Variants in RASAL2 observed in about 807,000 individuals in gnomAD.
The protein encoded by RASAL2 is ras GTPase-activating protein nGAP.
A neutral mutation model predicts 128.9 loss-of-function variants in RASAL2; 58 were observed. That is an observed-to-expected ratio of 0.45 (90% CI 0.36 to 0.56). The LOEUF (loss-of-function observed/expected upper bound fraction) is 0.56, where lower values mean the gene tolerates loss of function less well. RASAL2 is among the 20% of genes least tolerant of loss of function. The pLI, the probability that RASAL2 is intolerant of heterozygous loss-of-function variation, is 0.00. For synonymous variants in RASAL2, 561 were observed against 580.8 expected, an observed-to-expected ratio of 0.97 and a Z score of 0.49; for missense variants, 1,360 against 1,601.6, an observed-to-expected ratio of 0.85 and a Z score of 2.57.
At chr1:178,193,221 T>C (rs1199078556) in intron 1 of RASAL2, among the ~76,000 whole-genome samples, 1 of 152,218 alleles carries the variant, frequency 6.6e-6, no homozygotes, top group Non-Finnish European at 1.5e-5. Context: ...ACTGATAATC[T>C]TCTGGTGTAT....
chr1:178,342,616 T>C (rs574608430), intron 3 of RASAL2, among the ~76,000 whole-genome samples: 13 of 152,372 alleles, frequency 8.5e-5, no homozygotes, highest in African/African-American at 2.4e-4. Context: ...GTTTGTACGC[T>C]GCTTTTAATT....
chr1:178,382,851 C>T (rs746947034), intron 3 of RASAL2, among the ~76,000 whole-genome samples: 1 of 152,166 alleles, frequency 6.6e-6, no homozygotes, highest in African/African-American at 2.4e-5. Flanking sequence ...CTTGTCATCA[C>T]TAAGAACTAG....
At chr1:178,106,738 C>T (rs969105540) in intron 1 of RASAL2, among the ~76,000 whole-genome samples, 2 of 152,084 alleles carry the variant, frequency 1.3e-5, no homozygotes, top group Non-Finnish European at 2.9e-5. Context: ...CAGATACAGT[C>T]GATTTCTTCC....
chr1:178,232,002 G>A (rs142484327), intron 1 of RASAL2, among the ~76,000 whole-genome samples: 6 of 152,212 alleles, frequency 3.9e-5, no homozygotes, highest in East Asian at 1.9e-4. Flanking sequence ...TTTTCGTTAC[G>A]ATTTCGACCA....
intron 1 of RASAL2, among the ~76,000 whole-genome samples, chr1:178,246,585 C>G (rs887605331): frequency 6.6e-6 from 1 of 152,060 alleles, no homozygotes; most frequent in Non-Finnish European, 1.5e-5. Context: ...ATGCTCTGGC[C>G]AGAACTTCCA....
intron 4 of RASAL2, among the ~76,000 whole-genome samples, chr1:178,398,032 A>G (rs1003365465): frequency 6.6e-6 from 1 of 152,080 alleles, no homozygotes; most frequent in Non-Finnish European, 1.5e-5. Flanking sequence ...GAAAATATTA[A>G]TACTTTAATA....
At chr1:178,107,161 C>T (rs1303898631) in intron 1 of RASAL2, among the ~76,000 whole-genome samples, 1 of 152,126 alleles carries the variant, frequency 6.6e-6, no homozygotes, top group Admixed American at 6.5e-5. Flanking sequence ...TGACTCCTAA[C>T]GATTCTTGGT....
chr1:178,420,613 G>A lies in RASAL2; in HGVS notation c.667G>A (p.Asp223Asn), dbSNP rs376909815. Residue 223 changes from aspartate (D) to asparagine (N), a missense_variant, in exon 5 of 18, where the codon GAT (aspartate) becomes AAT (asparagine). Asp to Asn is a conservative substitution (Grantham distance 23). Coordinates refer to ENST00000367649, the MANE Select transcript of RASAL2 (RefSeq NM_170692.4). ...TCGGCTTCCATCCCTTCGCAGTACA[G>A]ATGACAGGTAGGAAGTTAACTTTCT... Reference protein sequence around the residue: ...SFRLPSLRSTDDRSRGLPKLK... With the variant: ...SFRLPSLRSTNDRSRGLPKLK... 6 of 1,601,276 alleles carry A rather than the reference G, an allele frequency of 3.7e-6. No individual in the cohort carries two copies. In the African/African-American group the frequency reaches 8.0e-5, roughly 21 times the overall value.
At chr1:178,225,583 G>C (rs995236746) in intron 1 of RASAL2, among the ~76,000 whole-genome samples, 1 of 151,860 alleles carries the variant, frequency 6.6e-6, no homozygotes, top group Admixed American at 6.6e-5. Context: ...GAGGTCTAAG[G>C]TGATTTCTTA....
chr1:178,439,636 G>A, intron 6 of RASAL2, 61 bp downstream of exon 6: 3 of 1,529,568 alleles, frequency 2.0e-6, no homozygotes, highest in African/African-American at 1.4e-5. Flanking sequence ...TTTATGTCCA[G>A]TAATTTTGCG....
rs1411438751 is a variant in RASAL2 at position 178,473,341 on chromosome 1, A to T, written c.*102A>T. 7.1e-7 allele frequency: 1 copy of T among 1,410,410 alleles called. No homozygotes were observed. Among genetic ancestry groups the T allele is most frequent in the African/African-American group, 1.4e-5 (1 of 69,954 alleles). 87.4% of individuals were successfully genotyped at this position (1,410,410 alleles called of 1,614,324 possible). ...GGTTTACAGAATGTTGCTACTTCACAATGGCGATGTGGTGAGAAACTCCTG... is the reference window on the plus strand; with the variant it reads ...GGTTTACAGAATGTTGCTACTTCACTATGGCGATGTGGTGAGAAACTCCTG... On this transcript the variant is annotated 3_prime_UTR_variant, in exon 18 of 18. Transcript: ENST00000367649.
At chr1:178,320,036 T>C (rs1168956020) in intron 3 of RASAL2, among the ~76,000 whole-genome samples, 1 of 151,788 alleles carries the variant, frequency 6.6e-6, no homozygotes, top group Admixed American at 6.6e-5. Flanking sequence ...GCTGCAGGTC[T>C]GTTGGAATAC....
chr1:178,285,550 T>C (rs1666989680), intron 2 of RASAL2, among the ~76,000 whole-genome samples: 1 of 152,248 alleles, frequency 6.6e-6, no homozygotes, highest in Non-Finnish European at 1.5e-5. Context: ...TCCAGCATTT[T>C]AATATTCTTA....
intron 4 of RASAL2, among the ~76,000 whole-genome samples, chr1:178,401,285 G>A (rs1673612351): frequency 6.6e-6 from 1 of 152,116 alleles, no homozygotes; most frequent in African/African-American, 2.4e-5. Context: ...ATTGTGTACT[G>A]GTTTTTATAA....
chr1:178,277,449 G>T (rs546540456), intron 1 of RASAL2, among the ~76,000 whole-genome samples: 1 of 152,076 alleles, frequency 6.6e-6, no homozygotes, highest in African/African-American at 2.4e-5. Flanking sequence ...GTGAGCCACC[G>T]TTCCTGGCCA....
intron 1 of RASAL2, among the ~76,000 whole-genome samples, chr1:178,275,765 C>T (rs1666478030): frequency 6.6e-6 from 1 of 152,160 alleles, no homozygotes. Context: ...AAATTACTCA[C>T]CAGAGAGAAG....
At chr1:178,333,104 C>G (rs1193610973) in intron 3 of RASAL2, among the ~76,000 whole-genome samples, 1 of 152,226 alleles carries the variant, frequency 6.6e-6, no homozygotes, top group Non-Finnish European at 1.5e-5. Flanking sequence ...TCTGGGCTCA[C>G]TGCAAGCTCC....
rs1398892120 is a variant in RASAL2 at position 178,467,493 on chromosome 1, C to A, written c.3678+72C>A. 106 of 1,361,910 alleles carry A rather than the reference C, an allele frequency of 7.8e-5. 1 individual carries two copies. The highest frequency in any genetic ancestry group is 1.0e-6 in the Non-Finnish European group (1 of 957,686). 84.4% of individuals were successfully genotyped at this position (1,361,910 alleles called of 1,614,324 possible). On this transcript the variant is annotated intron_variant, in intron 17 of 17. Transcript: ENST00000367649. ...ATTATTTCCTGACTTCACACCCTTG[C>A]AAATGCCAAGGCAGGTACCCAAAAA...
intron 1 of RASAL2, among the ~76,000 whole-genome samples, chr1:178,166,537 A>AT (rs757043720): frequency 6.6e-6 from 1 of 152,206 alleles, no homozygotes; most frequent in Non-Finnish European, 1.5e-5. Context: ...AACCAGATAT[A>AT]TTTTGTATAT....
Sources: gnomAD v4.1 joint callset for allele counts (sites outside exome capture counted in the v4.1 genomes callset) on GRCh38, gnomAD v4.1.1 for gene constraint, MANE v1.5 for transcripts, NCBI Gene and HGNC (gene_info 2026-07-23, HGNC 2026-07-21) for gene names.